Variants in PRDM16 observed in about 807,000 individuals in gnomAD.
PRDM16 encodes the protein histone-lysine N-methyltransferase PRDM16.
Under a neutral mutation model 110.6 loss-of-function variants are expected in PRDM16, and 23 were observed. The ratio of observed to expected loss-of-function variants is 0.21; its 90% confidence interval spans 0.15 to 0.29. The LOEUF is 0.29. Among genes scored for constraint, PRDM16 ranks in the 10% least tolerant of loss-of-function variants. The pLI is 1.00. For synonymous variants in PRDM16, 799 were observed against 781.8 expected (o/e 1.02, Z -0.37); for missense variants, 1,615 against 1,794.3 (o/e 0.90, Z 1.81).
intron 1 of PRDM16, among the ~76,000 whole-genome samples, chr1:3,111,372 T>G (rs1054742524): frequency 8.7e-6 from 1 of 115,308 alleles, no homozygotes; most frequent in Non-Finnish European, 1.9e-5. Flanking sequence ...AAGGTGGTGC[T>G]GGGGGGAAGT....
intron 1 of PRDM16, among the ~76,000 whole-genome samples, chr1:3,173,384 G>A (rs1644050130): frequency 6.6e-6 from 1 of 152,224 alleles, no homozygotes; most frequent in African/African-American, 2.4e-5. Context: ...CAGGATGCGG[G>A]CTCTGAAATG....
chr1:3,372,180 GAGGGACCCC>G (rs1418023179), intron 3 of PRDM16, among the ~76,000 whole-genome samples: 1 of 152,240 alleles, frequency 6.6e-6, no homozygotes, highest in Non-Finnish European at 1.5e-5. Flanking sequence ...AGAGCTGGGT[GAGGGACCCC>G]AGGGGTCCTT....
intron 2 of PRDM16, among the ~76,000 whole-genome samples, chr1:3,238,921 G>A (rs542915986): frequency 4.0e-5 from 6 of 151,738 alleles, no homozygotes; most frequent in Non-Finnish European, 5.9e-5. Flanking sequence ...CCTGTTTCCC[G>A]TCTACACAGC....
At chr1:3,288,491 C>T (rs996623648) in intron 3 of PRDM16, among the ~76,000 whole-genome samples, 22 of 152,138 alleles carry the variant, frequency 1.4e-4, no homozygotes, top group African/African-American at 4.6e-4. Flanking sequence ...TGGCTGGGAA[C>T]GCTCAGATGT....
In PRDM16 at chr1:3,345,971, C is replaced by T. The variant is rs1642354528; in HGVS notation, c.439-39181C>T. Reference sequence around the variant, plus strand: ...GCCACGTGGCTGTGGGCCAGGGTCTCCCCCATCCAGGGGCCTGCGGAGGGG... The same window carrying T: ...GCCACGTGGCTGTGGGCCAGGGTCTTCCCCATCCAGGGGCCTGCGGAGGGG... On this transcript the variant is annotated intron_variant, in intron 3 of 16. Transcript: ENST00000270722. Among the ~76,000 whole-genome samples, 3 of 152,364 alleles carry T rather than the reference C, an allele frequency of 2.0e-5. No homozygotes were observed. In the South Asian group the frequency reaches 6.2e-4, roughly 32 times the overall value.
At chr1:3,415,002 C>T (rs528689833) in intron 10 of PRDM16, among the ~76,000 whole-genome samples, 86 of 152,330 alleles carry the variant, frequency 5.6e-4, no homozygotes, top group African/African-American at 2.0e-3. Context: ...CAGCCCAGGA[C>T]ACAGCGTGGG....
intron 3 of PRDM16, among the ~76,000 whole-genome samples, chr1:3,367,520 A>C (rs1174546976): frequency 1.3e-5 from 2 of 152,206 alleles, no homozygotes; most frequent in Non-Finnish European, 2.9e-5. Context: ...ACCCACAGCC[A>C]AATGGCTTTT....
chr1:3,129,171 G>C (rs1251579602), intron 1 of PRDM16, among the ~76,000 whole-genome samples: 1 of 128,060 alleles, frequency 7.8e-6, no homozygotes, highest in African/African-American at 3.5e-5. Context: ...GGTGGGTGTG[G>C]ATCCTGCCTA....
chr1:3,084,313 C>G (rs942244157), intron 1 of PRDM16, among the ~76,000 whole-genome samples: 12 of 152,254 alleles, frequency 7.9e-5, no homozygotes, highest in African/African-American at 2.9e-4. Flanking sequence ...CGCCTCTGGC[C>G]CTTTCAAAGG....
chr1:3,180,850 G>A (rs1342519343), intron 1 of PRDM16, among the ~76,000 whole-genome samples: 1 of 148,934 alleles, frequency 6.7e-6, no homozygotes, highest in African/African-American at 2.5e-5. Context: ...GCTTACACAC[G>A]CAGTCTTACG....
chr1:3,205,358 C>T (rs541657830), intron 2 of PRDM16, among the ~76,000 whole-genome samples: 22 of 152,216 alleles, frequency 1.4e-4, no homozygotes, highest in Admixed American at 1.3e-3. Context: ...CACTTACACC[C>T]GGGAAAATGC....
At chr1:3,203,667 G>C (rs555746297) in intron 2 of PRDM16, among the ~76,000 whole-genome samples, 3 of 152,172 alleles carry the variant, frequency 2.0e-5, no homozygotes, top group South Asian at 2.1e-4. Flanking sequence ...TTATCTTCAC[G>C]TGGCTCCTTC....
chr1:3,219,108 G>T (rs1230710252), intron 2 of PRDM16, among the ~76,000 whole-genome samples: 1 of 152,220 alleles, frequency 6.6e-6, no homozygotes, highest in Non-Finnish European at 1.5e-5. Flanking sequence ...GGCACCCCAG[G>T]GTGGGCAGTA....
At chr1:3,432,476 G>A (rs1319878455) in intron 16 of PRDM16, among the ~76,000 whole-genome samples, 2 of 152,214 alleles carry the variant, frequency 1.3e-5, no homozygotes, top group Non-Finnish European at 2.9e-5. Context: ...CTCCCTCTCT[G>A]ATCTGGGCCC....
chr1:3,393,864 C>CCGCCT (rs1000587626), intron 4 of PRDM16, among the ~76,000 whole-genome samples: 5 of 152,198 alleles, frequency 3.3e-5, no homozygotes, highest in Non-Finnish European at 7.3e-5. Context: ...CCGCCCCGCC[C>CCGCCT]CGCCTCGGGC....
chr1:3,433,929 C>A lies in PRDM16; in HGVS notation c.*118C>A. On this transcript the variant is annotated 3_prime_UTR_variant, in exon 17 of 17. Transcript: ENST00000270722. Reference sequence around the variant, plus strand: ...TGTGGCCACTCCTCAGCATCCTCCCCACCCACCATGGTTCATTCCGACTTT... The same window carrying A: ...TGTGGCCACTCCTCAGCATCCTCCCAACCCACCATGGTTCATTCCGACTTT... 2 of 1,011,106 alleles carry A rather than the reference C, an allele frequency of 2.0e-6. No homozygotes were observed. The highest frequency in any genetic ancestry group is 1.4e-6 in the Non-Finnish European group (1 of 699,576). 62.6% of individuals were successfully genotyped at this position (1,011,106 alleles called of 1,614,324 possible).
At chr1:3,325,410 T>C (rs61511829) in intron 3 of PRDM16, among the ~76,000 whole-genome samples, 6,754 of 152,240 alleles carry the variant, frequency 0.044, 180 homozygotes, top group African/African-American at 0.068. Context: ...ACCGAGTCCT[T>C]GTGGCAGAGG....
chr1:3,322,109 ATTGT>A (rs767861035), intron 3 of PRDM16, among the ~76,000 whole-genome samples: 19 of 149,230 alleles, frequency 1.3e-4, no homozygotes, highest in African/African-American at 5.0e-5. Context: ...GCTCTGTGTG[ATTGT>A]GATATGCACA....
At chr1:3,271,745 A>G (rs2455123) in intron 3 of PRDM16, among the ~76,000 whole-genome samples, 43,977 of 152,068 alleles carry the variant, frequency 0.29, 10,212 homozygotes, top group African/African-American at 0.63. Context: ...CTCAGAGGCC[A>G]GAGATGATCC....
Sources: gnomAD v4.1 joint callset for allele counts (sites outside exome capture counted in the v4.1 genomes callset) on GRCh38, gnomAD v4.1.1 for gene constraint, MANE v1.5 for transcripts, NCBI Gene and HGNC (gene_info 2026-07-23, HGNC 2026-07-21) for gene names.